The following DISP3 variants were observed in gnomAD, a reference collection of about 807,000 sequenced individuals.
The protein encoded by DISP3 is dispatched RND transporter family member 3, also known as protein dispatched homolog 3.
DISP3 carries 101 observed loss-of-function variants against 135.3 expected under a neutral mutation model. The ratio of observed to expected loss-of-function variants is 0.75; its 90% CI spans 0.64 to 0.88. DISP3 has a LOEUF of 0.88. Ranked by LOEUF, DISP3 falls within the 40% of genes least tolerant of loss-of-function variation. DISP3 has a pLI of 0.00. For synonymous variants in DISP3, 856 were observed against 817.0 expected (o/e 1.05, Z -0.81); for missense variants, 1,713 against 1,878.6 (o/e 0.91, Z 1.63).
rs555688142 is a variant in DISP3 at position 11,495,724 on chromosome 1, A to C, written c.-3-5266A>C. Reference sequence around the variant, plus strand: ...ATTGAACGATCCCTCTCCCCATCTCAGGGGAATAGGTGATTCCACACTCAC... The same window carrying C: ...ATTGAACGATCCCTCTCCCCATCTCCGGGGAATAGGTGATTCCACACTCAC... On this transcript the variant is annotated intron_variant, in intron 1 of 20. Transcript: ENST00000294484. Among the ~76,000 whole-genome samples the C allele has an allele frequency of 8.9e-4, 135 of 152,278 alleles. 5 individuals are homozygous for C. The South Asian group carries it at 0.027, about 30-fold the overall frequency.
chr1:11,486,004 T>C (rs888590857), intron 1 of DISP3, among the ~76,000 whole-genome samples: 3 of 152,312 alleles, frequency 2.0e-5, no homozygotes, highest in African/African-American at 7.2e-5. Flanking sequence ...TGGGTAATTG[T>C]GCATAGGGAC....
chr1:11,536,630 C>T lies in DISP3; in HGVS notation c.4123C>T (p.Leu1375Phe), dbSNP rs750220901. 1.2e-6 allele frequency: 2 copies of T among 1,605,252 alleles called. No individual in the cohort carries two copies. The highest frequency in any genetic ancestry group is 2.7e-5 in the African/African-American group (2 of 74,738). ...LAGALGLGACLVLLQSGYKIP... is the reference protein window; with the variant it reads ...LAGALGLGACFVLLQSGYKIP... ...AGGGGCCCTGGGGCTGGGTGCCTGC[C>T]TCGTGCTCCTGCAGAGCGGCTATAA... Residue 1375 changes from leucine to phenylalanine, a missense_variant, in exon 21 of 21, where the codon CTC becomes TTC. Physicochemically the swap from Leu to Phe is conservative, Grantham distance 22. Transcript: ENST00000294484. This position sits in a 1 kb window ranked among gnomAD's most constrained non-coding sequence, Gnocchi z 4.3.
At chr1:11,498,375 G>A (rs1201089506) in intron 1 of DISP3, among the ~76,000 whole-genome samples, 1 of 152,138 alleles carries the variant, frequency 6.6e-6, no homozygotes, top group Admixed American at 6.5e-5. Flanking sequence ...GTTGATGCTG[G>A]CTGTCAGGTT....
intron 1 of DISP3, among the ~76,000 whole-genome samples, chr1:11,480,998 T>C (rs577147335): frequency 6.6e-6 from 1 of 151,276 alleles, no homozygotes; most frequent in African/African-American, 2.4e-5. Flanking sequence ...CATTCTTTGC[T>C]TGTACCCTCT....
chr1:11,498,231 A>G (rs142542053), intron 1 of DISP3, among the ~76,000 whole-genome samples: 1 of 152,368 alleles, frequency 6.6e-6, no homozygotes, highest in East Asian at 1.9e-4. Flanking sequence ...GACAGGGCAC[A>G]GGAGAGGATG....
intron 13 of DISP3, among the ~76,000 whole-genome samples, chr1:11,528,753 G>A (rs1642496543): frequency 6.6e-6 from 1 of 152,202 alleles, no homozygotes; most frequent in African/African-American, 2.4e-5. Context: ...ACAGAACTTG[G>A]TGATGCACGG....
chr1:11,526,621 G>A (rs573058099), intron 12 of DISP3, 30 bp from the exon 13 acceptor site: 20 of 1,596,480 alleles, frequency 1.3e-5, no homozygotes, highest in Middle Eastern at 1.7e-4. Flanking sequence ...CCCGAGTCAT[G>A]TGTCTTGTCT....
chr1:11,482,036 G>A (rs1640918080), intron 1 of DISP3: 1 of 152,232 alleles, frequency 6.6e-6, no homozygotes, highest in South Asian at 2.1e-4. Flanking sequence ...ATGGACAAAT[G>A]AATGAATAGA....
intron 3 of DISP3, among the ~76,000 whole-genome samples, chr1:11,505,121 C>T (rs901402709): frequency 6.6e-6 from 1 of 152,224 alleles, no homozygotes; most frequent in African/African-American, 2.4e-5. Flanking sequence ...CACCTAGGGG[C>T]TTGTTAGAAA....
In DISP3 at chr1:11,501,157, C is replaced by T. The variant is rs763464042; in HGVS notation, c.165C>T (p.Pro55=). ...GGCACTGGCCCCTGGCTTCCCGACC[C>T]CCAGCTTCGGGCTTCTGGAGTACCC... The part of the protein sequence containing the change: ...CWRHWPLASR[P]PASGFWSTLG... The change falls in exon 2 of 21, where the codon CCC becomes CCT. Residue 55 remains proline (P), a synonymous_variant. Coordinates refer to ENST00000294484, the MANE Select transcript of DISP3 (RefSeq NM_020780.2). This position sits in a 1 kb window ranked among gnomAD's most constrained non-coding sequence, Gnocchi z 4.9. 2 of 1,613,868 alleles carry T rather than the reference C, an allele frequency of 1.2e-6. No homozygotes were observed. Among genetic ancestry groups the T allele is most frequent in the African/African-American group, 1.3e-5 (1 of 74,908 alleles).
chr1:11,493,679 A>T (rs1038400443), intron 1 of DISP3, among the ~76,000 whole-genome samples: 1 of 152,050 alleles, frequency 6.6e-6, no homozygotes, highest in Non-Finnish European at 1.5e-5. Context: ...AGCTGAGATC[A>T]TGCCACCACA....
At chr1:11,503,037 C>A in intron 3 of DISP3, 140 bp downstream of exon 3, 2 of 747,050 alleles carry the variant, frequency 2.7e-6, no homozygotes, top group Non-Finnish European at 4.3e-6. Flanking sequence ...GAACCAAGTA[C>A]ATCCTTGCAG....
chr1:11,536,882 AC>A lies in DISP3; in HGVS notation c.*200del. 2.7e-6 allele frequency: 2 copies of A among 752,094 alleles called. No homozygotes were observed. Among genetic ancestry groups the A allele is most frequent in the Non-Finnish European group, 4.0e-6 (2 of 493,876 alleles). The allele number at this position is 752,094 out of a possible 1,614,324, so 46.6% of individuals were successfully genotyped here. The stretch of plus-strand genomic sequence containing the variant: ...GAGCTGGGAGTTGGAGACAGCCGCC[AC>A]CCCACAGGCCGGGCTACTGGCAGCC... On this transcript the variant is annotated 3_prime_UTR_variant, in exon 21 of 21. Coordinates refer to ENST00000294484, the MANE Select transcript of DISP3 (RefSeq NM_020780.2). The surrounding 1 kb of genome is among the most constrained non-coding windows in gnomAD (Gnocchi z 4.3).
At chr1:11,517,364 G>A in intron 6 of DISP3, 99 bp from the exon 7 acceptor site, 6 of 1,510,364 alleles carry the variant, frequency 4.0e-6, no homozygotes, top group Non-Finnish European at 4.6e-6. Context: ...GTCTGGGCCA[G>A]ATCTGGGGTC....
At chr1:11,496,352 G>A (rs1008900938) in intron 1 of DISP3, among the ~76,000 whole-genome samples, 1 of 152,154 alleles carries the variant, frequency 6.6e-6, no homozygotes, top group African/African-American at 2.4e-5. Flanking sequence ...ACCTCTGAGT[G>A]TGCCTGTATG....
chr1:11,480,504 G>T (rs1640868731), intron 1 of DISP3, among the ~76,000 whole-genome samples: 1 of 152,030 alleles, frequency 6.6e-6, no homozygotes, highest in Non-Finnish European at 1.5e-5. Flanking sequence ...CACGTTCGTG[G>T]ACCTGGGCAG....
chr1:11,493,341 C>G (rs564879386), intron 1 of DISP3, among the ~76,000 whole-genome samples: 6 of 152,234 alleles, frequency 3.9e-5, no homozygotes, highest in Non-Finnish European at 7.3e-5. Flanking sequence ...TTCCTCTTAG[C>G]CTTTTCATTC....
In DISP3 at chr1:11,520,462, C is replaced by T. The variant is rs997698504; in HGVS notation, c.2201-225C>T. On this transcript the variant is annotated intron_variant, in intron 9 of 20. Coordinates refer to ENST00000294484, the MANE Select transcript of DISP3 (RefSeq NM_020780.2). The surrounding 1 kb of genome is among the most constrained non-coding windows in gnomAD (Gnocchi z 4.8). ...CTTGTCCAGGAGTATTAGATTATAG[C>T]TTATAGTCAAACCCCATGGGACACC... Among the ~76,000 whole-genome samples the T allele has an allele frequency of 5.3e-5, 8 of 152,124 alleles. No homozygotes were observed. Among genetic ancestry groups the T allele is most frequent in the Non-Finnish European group, 1.0e-4 (7 of 68,020 alleles).
At chr1:11,507,133 C>T (rs2817637) in intron 3 of DISP3, among the ~76,000 whole-genome samples, 75,271 of 152,038 alleles carry the variant, frequency 0.5, 21,362 homozygotes, top group Non-Finnish European at 0.64. Flanking sequence ...GAGGTCCAGA[C>T]GATGTTATTT....
Sources: allele counts gnomAD v4.1 joint callset (sites outside exome capture counted in the v4.1 genomes callset), GRCh38; gene constraint gnomAD v4.1.1; non-coding constraint Gnocchi (gnomAD v3.1); transcripts MANE v1.5; gene names NCBI Gene and HGNC (gene_info 2026-07-23, HGNC 2026-07-21).